GXYLT1: variants seen among roughly 807,000 people sequenced by gnomAD.
GXYLT1 encodes glycosyltransferase 8 domain containing 3.
Under a neutral mutation model 54.0 loss-of-function variants are expected in GXYLT1, and 29 were observed. The ratio of observed to expected loss-of-function variants is 0.54; its 90% CI spans 0.40 to 0.73. The LOEUF (loss-of-function observed/expected upper bound fraction) is 0.73. Ranked by LOEUF, GXYLT1 falls within the 30% of genes least tolerant of loss-of-function variation. GXYLT1 has a pLI of 0.00. For synonymous variants in GXYLT1, 176 were observed against 204.1 expected, an observed-to-expected ratio of 0.86 and a Z score of 1.17; for missense variants, 490 against 553.4, an observed-to-expected ratio of 0.89 and a Z score of 1.15.
intron 3 of GXYLT1, among the ~76,000 whole-genome samples, chr12:42,110,532 GTC>G (rs997266889): frequency 3.9e-5 from 6 of 152,116 alleles, no homozygotes; most frequent in Non-Finnish European, 7.4e-5. Context: ...CTGCTTTGGT[GTC>G]TCTGATTATT....
At chr12:42,094,224 T>A (rs2136876305) in intron 7 of GXYLT1, among the ~76,000 whole-genome samples, 1 of 151,940 alleles carries the variant, frequency 6.6e-6, no homozygotes, top group African/African-American at 2.4e-5. Flanking sequence ...CCTGGTGACA[T>A]GCACCTGTAG....
Position 42,113,251 on chromosome 12 carries a change from G to A in GXYLT1, c.487-3560C>T, listed in dbSNP as rs547226623. ...ACGAGCAAAATAACCAGCTAACATCGTAATGACAGGATCAGACTCACACAT... is the reference window on the plus strand; with the variant it reads ...ACGAGCAAAATAACCAGCTAACATCATAATGACAGGATCAGACTCACACAT... On this transcript the variant is annotated intron_variant, in intron 3 of 7. Coordinates refer to ENST00000398675, the MANE Select transcript of GXYLT1 (RefSeq NM_173601.2). Among the ~76,000 whole-genome samples, 24 of 151,096 alleles carry A rather than the reference G, an allele frequency of 1.6e-4. 1 individual carries two copies. The highest frequency in any genetic ancestry group is 2.1e-4 in the Non-Finnish European group (14 of 68,010).
chr12:42,143,352 T>C (rs2136925448), intron 1 of GXYLT1, among the ~76,000 whole-genome samples: 1 of 152,326 alleles, frequency 6.6e-6, no homozygotes, highest in East Asian at 1.9e-4. Context: ...AGGGTCCTGA[T>C]GTAGGAATTA....
At chr12:42,089,252 C>T (rs988802675) in intron 7 of GXYLT1, among the ~76,000 whole-genome samples, 3 of 146,640 alleles carry the variant, frequency 2.0e-5, no homozygotes, top group African/African-American at 7.6e-5. Context: ...TTGTATATGA[C>T]TGCATGTTCT....
intron 7 of GXYLT1, among the ~76,000 whole-genome samples, chr12:42,090,614 A>C (rs1004030840): frequency 1.3e-5 from 2 of 152,212 alleles, no homozygotes; most frequent in African/African-American, 4.8e-5. Flanking sequence ...GATGACCATA[A>C]TTAGGCAATT....
Position 42,120,529 on chromosome 12 carries a change from CT to C in GXYLT1, c.315-1359del, listed in dbSNP as rs200306276. Among the ~76,000 whole-genome samples the C allele has an allele frequency of 2.8e-3, 429 of 151,996 alleles. 2 individuals carry two copies. Among genetic ancestry groups the C allele is most frequent in the African/African-American group, 9.2e-3 (382 of 41,478 alleles). ...GTTAGCATTAGCTTCGGTCTTTTTA[CT>C]TTTTTTTCCTTCTTTTTAGAGACAG... On this transcript the variant is annotated intron_variant, in intron 2 of 7. Transcript: ENST00000398675.
In GXYLT1 at chr12:42,084,565, T is replaced by C. The variant is rs1292077294; in HGVS notation, c.*3221A>G. On this transcript the variant is annotated 3_prime_UTR_variant, in exon 8 of 8. Transcript: ENST00000398675. ...CTTCTGAGTTTCATCTTGTGAGGTT[T>C]GAAGGGTACACTGATTGTACTTAAA... 1 of 152,366 alleles carries C rather than the reference T, an allele frequency of 6.6e-6. No individual in the cohort carries two copies. Among genetic ancestry groups the C allele is most frequent in the Non-Finnish European group, 1.5e-5 (1 of 68,106 alleles). The allele number at this position is 152,366 out of a possible 1,614,324, so 9.4% of individuals were successfully genotyped here. A position where few individuals can be genotyped will look rare whatever the true frequency, so the allele number is the denominator to read the frequency against.
chr12:42,122,487 G>C (rs567393768), intron 2 of GXYLT1, among the ~76,000 whole-genome samples: 1 of 152,286 alleles, frequency 6.6e-6, no homozygotes, highest in South Asian at 2.1e-4. Flanking sequence ...CTATTCGAGA[G>C]GCTGAGACAG....
intron 5 of GXYLT1, among the ~76,000 whole-genome samples, chr12:42,101,301 A>G (rs2065388648): frequency 6.6e-6 from 1 of 152,204 alleles, no homozygotes. Context: ...TACAAATTAT[A>G]AGAAAAGATT....
intron 5 of GXYLT1, among the ~76,000 whole-genome samples, chr12:42,101,487 T>C (rs2065389691): frequency 6.6e-6 from 1 of 152,184 alleles, no homozygotes; most frequent in Non-Finnish European, 1.5e-5. Context: ...GTCAGTCAAC[T>C]ATATATTTAC....
Position 42,087,949 on chromosome 12 carries a change from TAGAG to T in GXYLT1, c.1162-6_1162-3del. The T allele has an allele frequency of 6.8e-7, 1 of 1,469,220 alleles. No individual in the cohort carries two copies. 91.0% of individuals were successfully genotyped at this position (1,469,220 alleles called of 1,614,324 possible). A position where few individuals can be genotyped will look rare whatever the true frequency, so the allele number is the denominator to read the frequency against. On this transcript the variant is annotated splice_region_variant and splice_polypyrimidine_tract_variant and intron_variant, in intron 7 of 7. Coordinates refer to ENST00000398675, the MANE Select transcript of GXYLT1 (RefSeq NM_173601.2). ...GATGTTGTCATCTTCAAAAGAACAC[TAGAG>T]AAAGAAAATTTTAAAAAATAAAAAA...
chr12:42,110,065 T>C (rs1463101814), intron 3 of GXYLT1, among the ~76,000 whole-genome samples: 3 of 152,216 alleles, frequency 2.0e-5, no homozygotes, highest in Non-Finnish European at 4.4e-5. Flanking sequence ...ATTACCACCA[T>C]ATATACGATA....
chr12:42,112,436 G>A (rs1400630870), intron 3 of GXYLT1, among the ~76,000 whole-genome samples: 1 of 152,162 alleles, frequency 6.6e-6, no homozygotes, highest in Non-Finnish European at 1.5e-5. Context: ...CCAATGCAGA[G>A]AAGTCCTTAA....
intron 2 of GXYLT1, among the ~76,000 whole-genome samples, chr12:42,129,508 T>C (rs887128138): frequency 6.6e-6 from 1 of 152,148 alleles, no homozygotes; most frequent in African/African-American, 2.4e-5. Context: ...TACCAAAAGT[T>C]AGATCATAAA....
chr12:42,123,216 A>C (rs992982370), intron 2 of GXYLT1, among the ~76,000 whole-genome samples: 9 of 152,270 alleles, frequency 5.9e-5, no homozygotes, highest in African/African-American at 2.2e-4. Flanking sequence ...GAAAATAAGA[A>C]AATAGGAATA....
intron 7 of GXYLT1, among the ~76,000 whole-genome samples, chr12:42,094,792 T>G (rs1308552647): frequency 6.6e-6 from 1 of 152,142 alleles, no homozygotes; most frequent in Non-Finnish European, 1.5e-5. Flanking sequence ...CTAATATTCC[T>G]AACATACAAA....
intron 2 of GXYLT1, among the ~76,000 whole-genome samples, chr12:42,129,333 A>G (rs915180479): frequency 3.9e-5 from 6 of 152,224 alleles, no homozygotes; most frequent in African/African-American, 1.4e-4. Flanking sequence ...TCCTATTCCC[A>G]GTATTCAATC....
At chr12:42,123,446 C>A (rs2065542980) in intron 2 of GXYLT1, among the ~76,000 whole-genome samples, 1 of 151,962 alleles carries the variant, frequency 6.6e-6, no homozygotes, top group Non-Finnish European at 1.5e-5. Flanking sequence ...CTGTACTATT[C>A]TTGTAACCTT....
intron 3 of GXYLT1, among the ~76,000 whole-genome samples, chr12:42,116,534 C>G (rs200071948): frequency 2.1e-4 from 32 of 152,278 alleles, no homozygotes; most frequent in Admixed American, 3.9e-4. Flanking sequence ...AAAATGCTCA[C>G]CATCACTGGC....
Sources: allele counts gnomAD v4.1 joint callset (sites outside exome capture counted in the v4.1 genomes callset), GRCh38; gene constraint gnomAD v4.1.1; transcripts MANE v1.5; gene names NCBI Gene and HGNC (gene_info 2026-07-23, HGNC 2026-07-21).